PARP10: variants seen among roughly 807,000 people sequenced by gnomAD.
PARP10 encodes protein mono-ADP-ribosyltransferase PARP10.
PARP10 carries 56 observed loss-of-function variants against 82.4 expected under a neutral mutation model. The ratio of observed to expected loss-of-function variants is 0.68; its 90% CI spans 0.55 to 0.85. The LOEUF is 0.85. Among genes scored for constraint, PARP10 ranks in the 40% least tolerant of loss-of-function variants. PARP10 has a pLI of 0.00. For missense variants in PARP10, 1,227 were observed against 1,379.4 expected, an observed-to-expected ratio of 0.89 and a Z score of 1.75; for synonymous variants, 576 against 601.1, an observed-to-expected ratio of 0.96 and a Z score of 0.61.
upstream of PARP10, chr8:143,991,360 CT>C: frequency 8.0e-7 from 1 of 1,254,632 alleles, no homozygotes; most frequent in Non-Finnish European, 1.1e-6. Flanking sequence ...CCACAGCCCC[CT>C]TTCCAGCCCT....
Position 143,977,992 on chromosome 8 carries a change from C to G in PARP10, c.2646G>C (p.Glu882Asp). 6.3e-7 allele frequency: 1 copy of G among 1,593,344 alleles called. No individual in the cohort carries two copies. Among genetic ancestry groups the G allele is most frequent in the Non-Finnish European group, 8.5e-7 (1 of 1,176,092 alleles). ...CCGTCGTGCCGTGGTACAGCACCTGCTCCACCGGGCGCCGCTCGCATCGCT... is the reference window on the plus strand; with the variant it reads ...CCGTCGTGCCGTGGTACAGCACCTGGTCCACCGGGCGCCGCTCGCATCGCT... ...LLQRCERRPV[E>D]QVLYHGTTAP... is the part of the protein sequence containing the mutation. Residue 882 changes from glutamate to aspartate, a missense_variant, in exon 10 of 11, where the codon GAG becomes GAC. Coordinates refer to ENST00000313028, the MANE Select transcript of PARP10 (RefSeq NM_032789.5).
chr8:143,988,637 T>C (rs1214947816), upstream of PARP10, among the ~76,000 whole-genome samples: 4 of 151,786 alleles, frequency 2.6e-5, no homozygotes, highest in Non-Finnish European at 5.9e-5. Flanking sequence ...AGCTAATTTT[T>C]TTTTGTATTT....
intron 1 of PARP10, among the ~76,000 whole-genome samples, chr8:144,001,873 CGTGTGTGTGTGTGTGT>C (rs57117824): frequency 3.6e-4 from 49 of 136,506 alleles, no homozygotes; most frequent in Admixed American, 2.0e-3. Context: ...AATATATATA[CGTGTGTGTGTGTGTGT>C]GTGTGTGTGT....
intron 1 of PARP10, among the ~76,000 whole-genome samples, chr8:144,009,280 G>A (rs1427938754): frequency 2.0e-5 from 3 of 152,100 alleles, no homozygotes; most frequent in Admixed American, 6.6e-5. Context: ...TGACTTCCAA[G>A]TCCCTAAAGC....
rs1554748721 is a variant in PARP10, at chr8:143,984,615, C to T, written c.1387G>A (p.Glu463Lys). 6.2e-7 allele frequency: 1 copy of T among 1,614,026 alleles called. No individual in the cohort carries two copies. Among genetic ancestry groups the T allele is most frequent in the Admixed American group, 1.7e-5 (1 of 60,010 alleles). The stretch of plus-strand genomic sequence containing the variant: ...TCTCCCAGGCCCGCAAGAAGGTCCT[C>T]ATGGTAGAGCTGCAGGAAGCGCATC... Reference protein sequence around the residue: ...GAMRFLQLYHEDLLAGLGDVA... With the variant: ...GAMRFLQLYHKDLLAGLGDVA... The change falls in exon 5 of 11, where the codon GAG becomes AAG. Residue 463 changes from glutamate (E) to lysine (K), a missense_variant. Physicochemically the swap from Glu to Lys is moderately conservative, Grantham distance 56 (BLOSUM62 1). Transcript: ENST00000313028.
At position 143,978,053 on chromosome 8, in the gene PARP10, T is replaced by TGCA. The variant is rs1248056714; in HGVS notation, c.2582_2584dup (p.Leu861dup). 4.5e-6 allele frequency: 7 copies of TGCA among 1,547,986 alleles called. No individual in the cohort carries two copies. The African/African-American group carries it at 8.2e-5, about 18-fold the overall frequency. On this transcript the variant is annotated inframe_insertion, in exon 10 of 11. Coordinates refer to ENST00000313028, the MANE Select transcript of PARP10 (RefSeq NM_032789.5). ...CTCCCGGTACAGCTCATACTGCTGC[T>TGCA]GCAGCAGCGGGTGCGACACGCGCTC...
intron 1 of PARP10, among the ~76,000 whole-genome samples, chr8:144,000,476 G>A (rs1564260698): frequency 1.3e-5 from 2 of 152,146 alleles, no homozygotes; most frequent in Middle Eastern, 3.2e-3. Flanking sequence ...CTCCAGAACT[G>A]TAAAGAACAA....
Position 143,983,155 on chromosome 8 carries a change from A to C in PARP10, c.2422+12T>G. 1 of 1,612,856 alleles carries C rather than the reference A, an allele frequency of 6.2e-7. No individual in the cohort carries two copies. Among genetic ancestry groups the C allele is most frequent in the Non-Finnish European group, 8.5e-7 (1 of 1,179,290 alleles). On this transcript the variant is annotated intron_variant, in intron 8 of 10. Transcript: ENST00000313028. ...CCACCCCACCGTCCCTCAGTCCAGG[A>C]GGTAGACTCACAGGTAGGGCCTGAA...
At chr8:143,991,011 GCGC>G (rs535271717), upstream of PARP10, 173 of 408,562 alleles carry the variant, frequency 4.2e-4, 1 homozygote, top group South Asian at 8.0e-3. Context: ...AGGCCCCACG[GCGC>G]CGCCCGTCCG....
At chr8:144,009,451 C>A (rs532532686) in intron 1 of PARP10, among the ~76,000 whole-genome samples, 1 of 152,172 alleles carries the variant, frequency 6.6e-6, no homozygotes, top group Admixed American at 6.6e-5. Context: ...ATGTCCTCTG[C>A]GGCTTTGTCG....
chr8:144,002,134 C>T (rs782026556), intron 1 of PARP10, among the ~76,000 whole-genome samples: 13 of 152,052 alleles, frequency 8.5e-5, no homozygotes, highest in Non-Finnish European at 1.8e-4. Context: ...GCCCGTCAGG[C>T]TATTTTCTCT....
chr8:144,012,624 C>A (rs1352687332), exon 1 of PARP10: 2 of 1,551,608 alleles, frequency 1.3e-6, no homozygotes, highest in African/African-American at 2.7e-5. Flanking sequence ...GAATCACGAG[C>A]TCAAGTCAGC....
chr8:143,984,348 G>T lies in PARP10; in HGVS notation c.1542C>A (p.Cys514Ter). The T allele has an allele frequency of 1.9e-6, 3 of 1,613,732 alleles. No individual in the cohort carries two copies. Among genetic ancestry groups the T allele is most frequent in the Non-Finnish European group, 2.5e-6 (3 of 1,179,980 alleles). ...LLGSISCHVL[C>*]LEHPGSARFL... ...ACCTGGCGCTGCCCGGGTGCTCCAG[G>T]CACAACACATGGCAGCTAATGCTGC... The change falls in exon 6 of 11, where the codon TGC becomes TGA. Residue 514 changes from cysteine to a stop codon, truncating the protein, a stop_gained. Coordinates refer to ENST00000313028, the MANE Select transcript of PARP10 (RefSeq NM_032789.5). LOFTEE classifies it high-confidence loss of function.
At chr8:144,002,036 C>T (rs782363781) in intron 1 of PARP10, among the ~76,000 whole-genome samples, 4 of 151,736 alleles carry the variant, frequency 2.6e-5, no homozygotes, top group Non-Finnish European at 4.4e-5. Context: ...TTAAAATACT[C>T]TAGGGAAAAA....
rs1316379421 is a variant in PARP10, at chr8:143,977,294, G to C, written c.*190C>G. ...GACCCCTGGTGGTGGGGTCGGCCCA[G>C]GCTGGGACCTAGCCCGGCCCCCCTC... is the stretch of plus-strand genomic sequence containing the variant. On this transcript the variant is annotated 3_prime_UTR_variant, in exon 11 of 11. Transcript: ENST00000313028. 1.5e-6 allele frequency: 1 copy of C among 645,226 alleles called. No individual in the cohort carries two copies. Among genetic ancestry groups the C allele is most frequent in the African/African-American group, 1.9e-5 (1 of 53,650 alleles). The allele number at this position is 645,226 out of a possible 1,614,324, so 40.0% of individuals were successfully genotyped here. A position where few individuals can be genotyped will look rare whatever the true frequency, so the allele number is the denominator to read the frequency against.
upstream of PARP10, chr8:143,991,643 A>C: frequency 6.3e-7 from 1 of 1,582,376 alleles, no homozygotes; most frequent in Non-Finnish European, 8.7e-7. Context: ...CCGGGAGGGC[A>C]GGGGGAGGTG....
upstream of PARP10, chr8:143,990,168 C>T (rs1834067614): frequency 1.3e-5 from 2 of 150,548 alleles, no homozygotes; most frequent in South Asian, 2.1e-4. This position sits in a 1 kb window ranked among gnomAD's most constrained non-coding sequence, Gnocchi z 5.6. Context: ...CAGCGGACAC[C>T]GTGCGTACCG....
chr8:144,012,704 C>A (rs1442685330), exon 1 of PARP10: 29 of 1,551,518 alleles, frequency 1.9e-5, no homozygotes, highest in Admixed American at 9.8e-5. Context: ...CAACAGCAGG[C>A]CTTTCCTCAC....
intron 1 of PARP10, among the ~76,000 whole-genome samples, chr8:144,005,905 C>T (rs1450549473): frequency 6.6e-6 from 1 of 152,184 alleles, no homozygotes; most frequent in East Asian, 1.9e-4. Context: ...GCACAGACCA[C>T]CACCACATTG....
Sources: gnomAD v4.1 joint callset for allele counts (sites outside exome capture counted in the v4.1 genomes callset) on GRCh38, gnomAD v4.1.1 for gene constraint, Gnocchi (gnomAD v3.1) non-coding constraint, MANE v1.5 for transcripts, NCBI Gene and HGNC (gene_info 2026-07-23, HGNC 2026-07-21) for gene names.